The following FLT3 variants were observed in gnomAD, a reference collection of about 807,000 sequenced individuals.
FLT3 encodes the protein fms related receptor tyrosine kinase 3, also known as receptor-type tyrosine-protein kinase FLT3.
A neutral mutation model predicts 126.6 loss-of-function variants in FLT3; 46 were observed. The ratio of observed to expected loss-of-function variants is 0.36; its 90% CI spans 0.29 to 0.46. The LOEUF is 0.46. Ranked by LOEUF, FLT3 falls within the 20% of genes least tolerant of loss-of-function variation. FLT3 has a pLI of 1.00. For synonymous variants in FLT3, 404 were observed against 434.4 expected (o/e 0.93, Z 0.87); for missense variants, 1,069 against 1,190.3 (o/e 0.90, Z 1.50).
intron 17 of FLT3, chr13:28,025,383 C>G: frequency 2.2e-6 from 1 of 454,342 alleles, no homozygotes; most frequent in South Asian, 1.6e-5. Flanking sequence ...CTTCTTTTTT[C>G]CAGTTTGCCT....
intron 9 of FLT3, among the ~76,000 whole-genome samples, chr13:28,040,148 C>A (rs972253933): frequency 4.6e-5 from 7 of 152,132 alleles, no homozygotes; most frequent in African/African-American, 1.7e-4. Context: ...GACACAACAG[C>A]AAATTCAAAA....
At chr13:28,036,787 G>C (rs2504232) in intron 10 of FLT3, among the ~76,000 whole-genome samples, 110,244 of 152,054 alleles carry the variant, frequency 0.73, 41,209 homozygotes, top group East Asian at 0.87. Flanking sequence ...AGACCAACCT[G>C]GGCAACAAAG....
intron 23 of FLT3, among the ~76,000 whole-genome samples, chr13:28,009,962 G>A (rs1475768049): frequency 6.6e-6 from 1 of 152,072 alleles, no homozygotes; most frequent in Non-Finnish European, 1.5e-5. Flanking sequence ...TGAAACAGGG[G>A]ACAAGTATGT....
At chr13:28,046,087 C>T (rs1874848906) in intron 9 of FLT3, among the ~76,000 whole-genome samples, 1 of 152,060 alleles carries the variant, frequency 6.6e-6, no homozygotes, top group Non-Finnish European at 1.5e-5. Flanking sequence ...GTGCACAGGA[C>T]AGTCCTTCAC....
At chr13:28,067,174 C>T (rs974022966) in intron 2 of FLT3, among the ~76,000 whole-genome samples, 2 of 123,964 alleles carry the variant, frequency 1.6e-5, no homozygotes, top group African/African-American at 6.3e-5. Context: ...AGGCATGCGC[C>T]ACCACGCCTG....
At chr13:28,007,334 C>T in intron 23 of FLT3, among the ~76,000 whole-genome samples, 1 of 152,142 alleles carries the variant, frequency 6.6e-6, no homozygotes, top group Non-Finnish European at 1.5e-5. Flanking sequence ...GCAGCCTCAA[C>T]CTCCTAGGCA....
chr13:28,028,089 A>AAG lies in FLT3; in HGVS notation c.2053+87_2053+88dup, dbSNP rs35884842. On this transcript the variant is annotated intron_variant, in intron 16 of 23. Coordinates refer to ENST00000241453, the MANE Select transcript of FLT3 (RefSeq NM_004119.3). ...GACTGAGAAAAGACAAAGAATTAAA[A>AAG]AGAGAGAGAGAGAGAGAGAGAGCAA... The AAG allele has an allele frequency of 3.4e-3, 1,985 of 581,102 alleles. 24 individuals are homozygous for AAG. The highest frequency in any genetic ancestry group is 0.032 in the African/African-American group (1,713 of 53,358). The allele number at this position is 581,102 out of a possible 1,614,324, so 36.0% of individuals were successfully genotyped here. A position where few individuals can be genotyped will look rare whatever the true frequency, so the allele number is the denominator to read the frequency against.
At chr13:28,028,424 T>C (rs1873007016) in intron 15 of FLT3, 136 bp from the exon 16 acceptor site, 7 of 609,400 alleles carry the variant, frequency 1.1e-5, no homozygotes, top group Non-Finnish European at 2.1e-5. Flanking sequence ...AAGCCAGGCA[T>C]GGTGGGTCAT....
intron 20 of FLT3, among the ~76,000 whole-genome samples, 184 bp downstream of exon 20, chr13:28,018,282 AT>A (rs1872064842): frequency 6.6e-6 from 1 of 152,218 alleles, no homozygotes; most frequent in East Asian, 1.9e-4. Flanking sequence ...CTCAGCTTTT[AT>A]TATAGATGGA....
chr13:28,010,836 G>A (rs959194877), intron 23 of FLT3, among the ~76,000 whole-genome samples: 23 of 151,942 alleles, frequency 1.5e-4, no homozygotes, highest in Non-Finnish European at 2.8e-4. Flanking sequence ...GTAAAACCCC[G>A]TCTCTACTAA....
chr13:28,007,743 G>T (rs1195785251), intron 23 of FLT3, among the ~76,000 whole-genome samples: 1 of 151,930 alleles, frequency 6.6e-6, no homozygotes, highest in Non-Finnish European at 1.5e-5. Flanking sequence ...TCTGCTAAAG[G>T]GATAATAATA....
At chr13:28,064,875 C>G (rs1876878527) in intron 2 of FLT3, among the ~76,000 whole-genome samples, 3 of 152,116 alleles carry the variant, frequency 2.0e-5, no homozygotes, top group Admixed American at 2.0e-4. Context: ...AAGCACACCT[C>G]TAGCAATTAA....
At chr13:28,006,363 C>T (rs1283809311) in intron 23 of FLT3, among the ~76,000 whole-genome samples, 3 of 149,994 alleles carry the variant, frequency 2.0e-5, no homozygotes, top group Non-Finnish European at 4.4e-5. Context: ...CAAAATATAT[C>T]CATTGTGAAC....
intron 18 of FLT3, among the ~76,000 whole-genome samples, 157 bp from the exon 19 acceptor site, chr13:28,023,634 G>A (rs1009174456): frequency 2.0e-5 from 3 of 152,192 alleles, no homozygotes; most frequent in Non-Finnish European, 4.4e-5. Context: ...ACCTGTTTAT[G>A]CTGCCTATGA....
Position 28,086,925 on chromosome 13 carries a change from G to A in FLT3, c.43+13543C>T, listed in dbSNP as rs1174737238. 2.6e-5 allele frequency among the ~76,000 whole-genome samples: 4 copies of A among 151,862 alleles called. No homozygotes were observed. In the East Asian group the frequency reaches 7.8e-4, roughly 30 times the overall value. On this transcript the variant is annotated intron_variant, in intron 1 of 23. Coordinates refer to ENST00000241453, the MANE Select transcript of FLT3 (RefSeq NM_004119.3). ...GCCTCCCAAAGTGCTAGGATTGCAG[G>A]CATGAACCACCATGCCCACCTGTCT...
intron 11 of FLT3, 124 bp downstream of exon 11, chr13:28,035,811 T>A: frequency 8.3e-7 from 1 of 1,209,116 alleles, no homozygotes; most frequent in African/African-American, 1.5e-5. Flanking sequence ...AGAGTTATGG[T>A]TGATTGAGAA....
rs372533210 is a variant in FLT3, at chr13:28,069,521, A to G, written c.165+970T>C. 3.9e-4 allele frequency among the ~76,000 whole-genome samples: 59 copies of G among 152,292 alleles called. 2 individuals carry two copies. The South Asian group carries it at 0.012, about 30-fold the overall frequency. On this transcript the variant is annotated intron_variant, in intron 2 of 23. Transcript: ENST00000241453. ...GAAAATCTACCTATATACTGGGGGC[A>G]GCTGGAAGTGAGGGATTCAGGCTTG... is the stretch of plus-strand genomic sequence containing the variant.
intron 3 of FLT3, among the ~76,000 whole-genome samples, chr13:28,058,196 T>A (rs1178205282): frequency 8.2e-6 from 1 of 122,520 alleles, no homozygotes; most frequent in Admixed American, 9.9e-5. Context: ...CTACCTCTAT[T>A]TTTTAAAAAT....
chr13:28,061,657 C>G (rs1003331433), intron 3 of FLT3, among the ~76,000 whole-genome samples: 11 of 151,644 alleles, frequency 7.3e-5, no homozygotes. Flanking sequence ...GTAGTCCCAG[C>G]TACTTGGGAG....
Sources: gnomAD v4.1 joint callset for allele counts (sites outside exome capture counted in the v4.1 genomes callset) on GRCh38, gnomAD v4.1.1 for gene constraint, MANE v1.5 for transcripts, NCBI Gene and HGNC (gene_info 2026-07-23, HGNC 2026-07-21) for gene names.